Variants in PCDH10 observed in about 807,000 individuals in gnomAD.
PCDH10 encodes protocadherin-10.
A neutral mutation model predicts 74.4 loss-of-function variants in PCDH10; 15 were observed. The ratio of observed to expected loss-of-function variants is 0.20; its 90% CI spans 0.13 to 0.31. PCDH10 has a LOEUF of 0.31. PCDH10 is among the 10% of genes least tolerant of loss of function. PCDH10 has a pLI of 1.00. For synonymous variants in PCDH10, 619 were observed against 589.8 expected (o/e 1.05, Z -0.72); for missense variants, 1,260 against 1,390.2 (o/e 0.91, Z 1.49).
At chr4:133,201,229 A>C (rs940900914) in intron 2 of PCDH10, among the ~76,000 whole-genome samples, 3 of 152,192 alleles carry the variant, frequency 2.0e-5, no homozygotes, top group Non-Finnish European at 4.4e-5. Context: ...ACTTACTTTA[A>C]CTAATTTAGT....
intron 4 of PCDH10, among the ~76,000 whole-genome samples, chr4:133,185,875 A>T (rs1419970879): frequency 1.3e-5 from 2 of 152,186 alleles, no homozygotes; most frequent in Non-Finnish European, 2.9e-5. Context: ...TGACCATGTG[A>T]ATATTCAATT....
intron 3 of PCDH10, among the ~76,000 whole-genome samples, chr4:133,156,880 A>G (rs892470200): frequency 6.6e-6 from 1 of 152,192 alleles, no homozygotes; most frequent in Non-Finnish European, 1.5e-5. Flanking sequence ...TTATCAGTGC[A>G]TCTTCCCAGT....
chr4:133,153,115 A>T lies in PCDH10; in HGVS notation c.2631+344A>T, dbSNP rs1233139975. The T allele has an allele frequency of 4.6e-6, 6 of 1,295,868 alleles. No homozygotes were observed. In the East Asian group the frequency reaches 1.6e-4, roughly 35 times the overall value. The allele number at this position is 1,295,868 out of a possible 1,614,324, so 80.3% of individuals were successfully genotyped here. ...AGGGAGAGGGAAATGTGGAGGAGGG[A>T]CTTACTTTCTAGCACTGGCAAAGGT... is the stretch of plus-strand genomic sequence containing the variant. On this transcript the variant is annotated intron_variant, in intron 1 of 4. Transcript: ENST00000264360.
intron 1 of PCDH10, chr4:133,153,584 T>C (rs1274604053): frequency 6.6e-6 from 1 of 151,486 alleles, no homozygotes; most frequent in Admixed American, 6.6e-5. Flanking sequence ...TTTAAAAGGA[T>C]GGAGAAGTGA....
chr4:133,195,967 G>A (rs1269543929), downstream of PCDH10, among the ~76,000 whole-genome samples: 1 of 152,148 alleles, frequency 6.6e-6, no homozygotes, highest in Non-Finnish European at 1.5e-5. Context: ...AAACAGGGAA[G>A]ATATTTCTGA....
At chr4:133,165,358 T>G (rs1313897479) in intron 4 of PCDH10, among the ~76,000 whole-genome samples, 1 of 151,338 alleles carries the variant, frequency 6.6e-6, no homozygotes, top group East Asian at 1.9e-4. Flanking sequence ...CATCCAATTA[T>G]ATTTAAAATT....
At chr4:133,168,700 C>T (rs1163734486) in intron 4 of PCDH10, among the ~76,000 whole-genome samples, 1 of 151,568 alleles carries the variant, frequency 6.6e-6, no homozygotes, top group South Asian at 2.1e-4. Flanking sequence ...TATTTAGACT[C>T]ATTATCCAGC....
At chr4:133,160,898 CTA>C (rs1726956631) in intron 3 of PCDH10, among the ~76,000 whole-genome samples, 1 of 151,818 alleles carries the variant, frequency 6.6e-6, no homozygotes, top group Non-Finnish European at 1.5e-5. Context: ...TTAAAAAAAT[CTA>C]TGTTCCCCCA....
At position 133,193,286 on chromosome 4, in the gene PCDH10, C is replaced by A. The variant is rs1367943565; in HGVS notation, c.*3126C>A. The A allele has an allele frequency of 1.3e-5, 2 of 151,598 alleles. No homozygotes were observed. The highest frequency in any genetic ancestry group is 1.5e-5 in the Non-Finnish European group (1 of 67,640). 9.4% of individuals were successfully genotyped at this position (151,598 alleles called of 1,614,324 possible). On this transcript the variant is annotated 3_prime_UTR_variant, in exon 5 of 5. Coordinates refer to ENST00000264360, the MANE Select transcript of PCDH10 (RefSeq NM_032961.3). ...GTCAATGATATATGTATCATCTTTT[C>A]TTGGCAAATATTAAGGAAATATGTG...
At chr4:133,155,181 TAAAG>T (rs1726839635) in intron 3 of PCDH10, among the ~76,000 whole-genome samples, 158 bp downstream of exon 3, 1 of 152,226 alleles carries the variant, frequency 6.6e-6, no homozygotes, top group Non-Finnish European at 1.5e-5. Flanking sequence ...TTTGCAGACT[TAAAG>T]AGAATTGTAA....
At chr4:133,196,777 G>A (rs1482318891), downstream of PCDH10, among the ~76,000 whole-genome samples, 4 of 152,204 alleles carry the variant, frequency 2.6e-5, no homozygotes, top group Admixed American at 2.0e-4. Flanking sequence ...AAAGCAAGAT[G>A]GAGTTGGCTA....
At chr4:133,169,386 A>C (rs1727156020) in intron 4 of PCDH10, among the ~76,000 whole-genome samples, 1 of 151,872 alleles carries the variant, frequency 6.6e-6, no homozygotes, top group African/African-American at 2.4e-5. Context: ...AAAGTTAATT[A>C]CACCACTTTT....
In PCDH10 at chr4:133,149,880, G is replaced by A; in HGVS notation, c.-261G>A. 2.7e-6 allele frequency: 1 copy of A among 366,012 alleles called. No individual in the cohort carries two copies. The highest frequency in any genetic ancestry group is 4.9e-6 in the Non-Finnish European group (1 of 204,978). The allele number at this position is 366,012 out of a possible 1,614,324, so 22.7% of individuals were successfully genotyped here. A position where few individuals can be genotyped will look rare whatever the true frequency, so the allele number is the denominator to read the frequency against. ...TGTATTATTGTTATTTTATTAATTA[G>A]TCAGTGGAAAGATTACAGATGAGGA... On this transcript the variant is annotated 5_prime_UTR_variant, in exon 1 of 5. Coordinates refer to ENST00000264360, the MANE Select transcript of PCDH10 (RefSeq NM_032961.3).
At chr4:133,173,894 A>G (rs2125867443) in intron 4 of PCDH10, among the ~76,000 whole-genome samples, 1 of 152,038 alleles carries the variant, frequency 6.6e-6, no homozygotes, top group African/African-American at 2.4e-5. Flanking sequence ...AATAAATACC[A>G]TAGATTGTGT....
At chr4:133,170,139 C>T (rs1384041036) in intron 4 of PCDH10, among the ~76,000 whole-genome samples, 1 of 151,900 alleles carries the variant, frequency 6.6e-6, no homozygotes, top group Non-Finnish European at 1.5e-5. Context: ...TACCAAAAGA[C>T]ATAGATAAAA....
Position 133,154,320 on chromosome 4 carries a change from G to C in PCDH10, c.2645G>C (p.Arg882Pro), listed in dbSNP as rs752374821. The C allele has an allele frequency of 1.2e-6, 2 of 1,606,928 alleles. No homozygotes were observed. The highest frequency in any genetic ancestry group is 3.4e-5 in the Admixed American group (2 of 58,814). The change falls in exon 2 of 5, where the codon CGA (arginine) becomes CCA (proline). Residue 882 changes from arginine to proline, a missense_variant. This residue lies in a region of PCDH10 where 587 missense variants were observed against 616.9 expected (regional missense o/e 0.95). Transcript: ENST00000264360. ...TTTTTTTCCTAGACTAAACACCAGCGAGCAGAGCTCAGCTATCTAGTTGAC... is the reference window on the plus strand; with the variant it reads ...TTTTTTTCCTAGACTAAACACCAGCCAGCAGAGCTCAGCTATCTAGTTGAC... ...SILSNETKHQ[R>P]AELSYLVDRP...
intron 4 of PCDH10, among the ~76,000 whole-genome samples, chr4:133,184,937 T>C (rs1727512054): frequency 1.3e-5 from 2 of 148,180 alleles, no homozygotes; most frequent in African/African-American, 4.9e-5. Context: ...ATTAAGAGAA[T>C]AGATGCAGTT....
At chr4:133,207,210 G>C (rs1387918906) in intron 2 of PCDH10, among the ~76,000 whole-genome samples, 1 of 151,746 alleles carries the variant, frequency 6.6e-6, no homozygotes, top group South Asian at 2.1e-4. Flanking sequence ...TTGTTTCTAA[G>C]GTTATTATAT....
In PCDH10 at chr4:133,151,316, G is replaced by A. The variant is rs1726683310; in HGVS notation, c.1176G>A (p.Gln392=). ...ACCGCGACTCAGAGGAGAATGGGCA[G>A]GTGCAGTGCGAGCTACTGGGAGACG... ...VTDRDSEENG[Q]VQCELLGDVP... The change falls in exon 1 of 5, where the codon CAG becomes CAA. Residue 392 remains glutamine (Q), a synonymous_variant. Transcript: ENST00000264360. The A allele has an allele frequency of 1.2e-6, 2 of 1,614,080 alleles. No individual in the cohort carries two copies. The highest frequency in any genetic ancestry group is 1.7e-6 in the Non-Finnish European group (2 of 1,180,036).
Sources: gnomAD v4.1 joint callset for allele counts (sites outside exome capture counted in the v4.1 genomes callset) on GRCh38, gnomAD v4.1.1 for gene constraint, gnomAD v4.1.1 regional missense constraint, MANE v1.5 for transcripts, NCBI Gene and HGNC (gene_info 2026-07-23, HGNC 2026-07-21) for gene names.